The following NHEJ1 variants were observed in gnomAD, a reference collection of about 807,000 sequenced individuals.
The protein encoded by NHEJ1 is non-homologous end joining factor 1.
Under a neutral mutation model 39.4 loss-of-function variants are expected in NHEJ1, and 22 were observed. The observed-to-expected ratio is 0.56, with a 90% confidence interval of 0.40 to 0.80. The LOEUF is 0.80. NHEJ1 is among the 30% of genes least tolerant of loss of function. The pLI is 0.00. For missense variants in NHEJ1, 329 were observed against 357.1 expected, an observed-to-expected ratio of 0.92 and a Z score of 0.63; for synonymous variants, 154 against 135.6, an observed-to-expected ratio of 1.14 and a Z score of -0.94.
rs116543959 is a variant in NHEJ1, at chr2:219,074,717, A to G, written c.*1664T>C. ...AAATTGTGCGATTGTACTCCAGCCT[A>G]GGCAACAAGAGCAAGACTCCATTAA... On this transcript the variant is annotated 3_prime_UTR_variant, in exon 8 of 8. Coordinates refer to ENST00000356853, the MANE Select transcript of NHEJ1 (RefSeq NM_024782.3). Among the ~76,000 whole-genome samples, 2,437 of 151,796 alleles carry G rather than the reference A, an allele frequency of 0.016. 69 individuals are homozygous for G. Among genetic ancestry groups the G allele is most frequent in the African/African-American group, 0.056 (2,300 of 41,304 alleles).
rs1949058928 is a variant in NHEJ1 at position 219,080,692 on chromosome 2, T to TATATATATATATGCTA, written c.589-2502_589-2487dup. ...TTTTATATATGCTAATATATATGCT[T>TATATATATATATGCTA]ATATATATATATGCTAATATATATA... On this transcript the variant is annotated intron_variant, in intron 5 of 7. Transcript: ENST00000356853. 5.8e-5 allele frequency among the ~76,000 whole-genome samples: 2 copies of TATATATATATATGCTA among 34,652 alleles called. 1 individual carries two copies. The highest frequency in any genetic ancestry group is 1.5e-4 in the Non-Finnish European group (2 of 12,998). 22.7% of individuals were successfully genotyped at this position (34,652 alleles called of 152,430 possible). A position where few individuals can be genotyped will look rare whatever the true frequency, so the allele number is the denominator to read the frequency against.
chr2:219,152,022 C>T (rs1949801092), intron 3 of NHEJ1, among the ~76,000 whole-genome samples: 2 of 152,058 alleles, frequency 1.3e-5, no homozygotes. Context: ...AATCCACAGA[C>T]ACTATAAGGA....
chr2:219,102,071 G>A (rs1193464798), intron 5 of NHEJ1, among the ~76,000 whole-genome samples: 2 of 152,130 alleles, frequency 1.3e-5, no homozygotes, highest in Non-Finnish European at 2.9e-5. Context: ...TGGATAAGCC[G>A]TAATTTAGTC....
intron 5 of NHEJ1, among the ~76,000 whole-genome samples, chr2:219,134,970 G>A (rs1205409592): frequency 6.7e-6 from 1 of 148,406 alleles, no homozygotes; most frequent in Non-Finnish European, 1.5e-5. Context: ...AAACCAGAAG[G>A]CGGAGGTTGC....
rs2106315357 is a variant in NHEJ1 at position 219,070,882 on chromosome 2, C to T, written c.*5499G>A. 6.6e-6 allele frequency among the ~76,000 whole-genome samples: 1 copy of T among 152,334 alleles called. No individual in the cohort carries two copies. The highest frequency in any genetic ancestry group is 3.4e-3 in the Middle Eastern group (1 of 294). ...TCAGTATCACCTTCAAATGTCATCA[C>T]ACCGTTATTAGTATTGCTGTTATCT... On this transcript the variant is annotated 3_prime_UTR_variant, in exon 8 of 8. Coordinates refer to ENST00000356853, the MANE Select transcript of NHEJ1 (RefSeq NM_024782.3).
At chr2:219,150,104 T>C (rs1377929194) in intron 3 of NHEJ1, among the ~76,000 whole-genome samples, 1 of 152,236 alleles carries the variant, frequency 6.6e-6, no homozygotes, top group Admixed American at 6.5e-5. Context: ...TTCAGACCTT[T>C]GTGTTTTCAT....
intron 2 of NHEJ1, among the ~76,000 whole-genome samples, 189 bp downstream of exon 2, chr2:219,157,985 TCTCTCTCACACA>T (rs1374413050): frequency 2.9e-5 from 2 of 68,928 alleles, no homozygotes; most frequent in Non-Finnish European, 6.2e-5. Context: ...TCTCTCTCTC[TCTCTCTCACACA>T]CACACACACA....
intron 5 of NHEJ1, among the ~76,000 whole-genome samples, chr2:219,090,338 A>G (rs1284410644): frequency 2.6e-5 from 4 of 152,214 alleles, no homozygotes; most frequent in Non-Finnish European, 5.9e-5. Context: ...AATGGGAATG[A>G]TATTACTGCC....
rs138331690 is a variant in NHEJ1 at position 219,115,153 on chromosome 2, A to AAAGAAGAAGAAGAAG, written c.588+31512_588+31526dup. On this transcript the variant is annotated intron_variant, in intron 5 of 7. Coordinates refer to ENST00000356853, the MANE Select transcript of NHEJ1 (RefSeq NM_024782.3). ...CCAAAAGAATCCCACCGTATTTTAA[A>AAAGAAGAAGAAGAAG]AAGAAGAAGAAGAAGAAGAAGAAGA... Among the ~76,000 whole-genome samples the AAAGAAGAAGAAGAAG allele has an allele frequency of 1.1e-3, 165 of 148,356 alleles. 1 individual carries two copies. The highest frequency in any genetic ancestry group is 0.011 in the South Asian group (50 of 4,596).
Position 219,158,174 on chromosome 2 carries a change from C to T in NHEJ1, c.177+12G>A, listed in dbSNP as rs751360840. On this transcript the variant is annotated intron_variant, in intron 2 of 7. Transcript: ENST00000356853. ...ACATCCCCGACACAGCAGTACTTCT[C>T]CTCATACTTACCTTGGCTCGCTGGC... 1.2e-6 allele frequency: 2 copies of T among 1,614,056 alleles called. No homozygotes were observed. Among genetic ancestry groups the T allele is most frequent in the South Asian group, 1.1e-5 (1 of 91,078 alleles).
At chr2:219,146,309 A>G (rs1285645796) in intron 5 of NHEJ1, among the ~76,000 whole-genome samples, 1 of 152,174 alleles carries the variant, frequency 6.6e-6, no homozygotes, top group Non-Finnish European at 1.5e-5. Context: ...GGGCCTAGAC[A>G]AGTAATGACG....
intron 3 of NHEJ1, among the ~76,000 whole-genome samples, chr2:219,154,942 T>C (rs138561567): frequency 2.8e-4 from 41 of 147,378 alleles, no homozygotes; most frequent in Middle Eastern, 3.6e-3. Flanking sequence ...TAACATATAA[T>C]ATATGTTAAT....
At chr2:219,136,695 G>A (rs193297671) in intron 5 of NHEJ1, among the ~76,000 whole-genome samples, 30 of 151,994 alleles carry the variant, frequency 2.0e-4, no homozygotes, top group African/African-American at 6.0e-4. Context: ...CTCTGCCTCC[G>A]AGATTCAAGC....
In NHEJ1 at chr2:219,143,148, G is replaced by A. The variant is rs557160875; in HGVS notation, c.588+3532C>T. ...CTGACACCAGCCCTGGCCCCCCTGC[G>A]CCTTCATCTTGAGCTCTCTCCCTGG... On this transcript the variant is annotated intron_variant, in intron 5 of 7. Coordinates refer to ENST00000356853, the MANE Select transcript of NHEJ1 (RefSeq NM_024782.3). 4.6e-5 allele frequency among the ~76,000 whole-genome samples: 7 copies of A among 152,154 alleles called. No homozygotes were observed. In the South Asian group the frequency reaches 6.2e-4, roughly 14 times the overall value.
rs1339502938 is a variant in NHEJ1, at chr2:219,069,361, C to A, written c.*7020G>T. On this transcript the variant is annotated 3_prime_UTR_variant, in exon 8 of 8. Coordinates refer to ENST00000356853, the MANE Select transcript of NHEJ1 (RefSeq NM_024782.3). ...GACAAATGAAAATAGCAGAACTGTG[C>A]CAAACGAAACGATTTAATCTGTTCA... is the stretch of plus-strand genomic sequence containing the variant. 1 of 152,182 alleles carries A rather than the reference C, an allele frequency of 6.6e-6. No homozygotes were observed. The highest frequency in any genetic ancestry group is 1.5e-5 in the Non-Finnish European group (1 of 68,068). The allele number at this position is 152,182 out of a possible 1,614,324, so 9.4% of individuals were successfully genotyped here.
chr2:219,139,600 T>C (rs1949670622), intron 5 of NHEJ1, among the ~76,000 whole-genome samples: 1 of 152,230 alleles, frequency 6.6e-6, no homozygotes. Flanking sequence ...TCACACCCAC[T>C]AAGCTGCTCC....
rs752686794 is a variant in NHEJ1 at position 219,077,373 on chromosome 2, A to G, written c.707-9T>C. 5.7e-6 allele frequency: 9 copies of G among 1,581,336 alleles called. No individual in the cohort carries two copies. The East Asian group carries it at 1.6e-4, about 28-fold the overall frequency. On this transcript the variant is annotated splice_polypyrimidine_tract_variant and intron_variant, in intron 6 of 7. Coordinates refer to ENST00000356853, the MANE Select transcript of NHEJ1 (RefSeq NM_024782.3). Reference sequence around the variant, plus strand: ...TGAGGTATGAGGATCTCCTGAAATCAGAAAGATCAAGAGAAGATAGTGATA... The same window carrying G: ...TGAGGTATGAGGATCTCCTGAAATCGGAAAGATCAAGAGAAGATAGTGATA...
intron 5 of NHEJ1, among the ~76,000 whole-genome samples, chr2:219,117,647 G>A (rs1280425901): frequency 6.6e-6 from 1 of 152,226 alleles, no homozygotes; most frequent in African/African-American, 2.4e-5. Context: ...CAGATCTGTC[G>A]CCTTCTTATG....
Position 219,085,465 on chromosome 2 carries a change from ATG to A in NHEJ1, c.589-7261_589-7260del, listed in dbSNP as rs1270329581. Among the ~76,000 whole-genome samples, 5 of 152,196 alleles carry A rather than the reference ATG, an allele frequency of 3.3e-5. No individual in the cohort carries two copies. The East Asian group carries it at 9.6e-4, about 29-fold the overall frequency. On this transcript the variant is annotated intron_variant, in intron 5 of 7. Transcript: ENST00000356853. Reference sequence around the variant, plus strand: ...AGGCACACTGCCCTTGAAGGTCCGAATGTGAAACTGAAGACAGAGCTAACACT... The same window carrying A: ...AGGCACACTGCCCTTGAAGGTCCGAATGAAACTGAAGACAGAGCTAACACT...
Sources: allele counts gnomAD v4.1 joint callset (sites outside exome capture counted in the v4.1 genomes callset), GRCh38; gene constraint gnomAD v4.1.1; transcripts MANE v1.5; gene names NCBI Gene and HGNC (gene_info 2026-07-23, HGNC 2026-07-21).